The following NEGR1 variants were observed in gnomAD, a reference collection of about 807,000 sequenced individuals.
NEGR1 encodes the protein IgLON family member 4.
In NEGR1, 10 loss-of-function variants were observed where a neutral mutation model predicts 40.9. The observed-to-expected ratio is 0.24, with a 90% confidence interval of 0.15 to 0.42. The LOEUF (loss-of-function observed/expected upper bound fraction) is 0.42, where lower values mean the gene tolerates loss of function less well. Among genes scored for constraint, NEGR1 ranks in the 10% least tolerant of loss-of-function variants. The pLI is 1.00. For missense variants in NEGR1, 352 were observed against 438.9 expected (o/e 0.80, Z 1.77); for synonymous variants, 185 against 166.8 (o/e 1.11, Z -0.84).
At chr1:71,425,132 A>G (rs1001990699) in intron 6 of NEGR1, among the ~76,000 whole-genome samples, 10 of 152,180 alleles carry the variant, frequency 6.6e-5, no homozygotes, top group Non-Finnish European at 1.5e-4. Flanking sequence ...AGACATGTCA[A>G]GATGAAATGA....
At position 71,850,131 on chromosome 1, in the gene NEGR1, G is replaced by A. The variant is rs944596375; in HGVS notation, c.410-73834C>T. Among the ~76,000 whole-genome samples, 15 of 134,732 alleles carry A rather than the reference G, an allele frequency of 1.1e-4. No individual in the cohort carries two copies. In the East Asian group the frequency reaches 3.7e-3, roughly 33 times the overall value. 88.4% of individuals were successfully genotyped at this position (134,732 alleles called of 152,430 possible). A position where few individuals can be genotyped will look rare whatever the true frequency, so the allele number is the denominator to read the frequency against. On this transcript the variant is annotated intron_variant, in intron 2 of 6. Coordinates refer to ENST00000357731, the MANE Select transcript of NEGR1 (RefSeq NM_173808.3). Reference sequence around the variant, plus strand: ...GTGTTAAGAACATTTATAATCTACTGTCTTTTTTTGTTTGTTTGTTTGTTT... The same window carrying A: ...GTGTTAAGAACATTTATAATCTACTATCTTTTTTTGTTTGTTTGTTTGTTT...
At chr1:71,711,970 C>T (rs1017267075) in intron 3 of NEGR1, among the ~76,000 whole-genome samples, 2 of 152,042 alleles carry the variant, frequency 1.3e-5, no homozygotes, top group Non-Finnish European at 2.9e-5. Flanking sequence ...ATAGAAATGG[C>T]AAAACTATCA....
chr1:72,191,445 G>T (rs1382830969), intron 1 of NEGR1, among the ~76,000 whole-genome samples: 2 of 151,766 alleles, frequency 1.3e-5, no homozygotes, highest in Non-Finnish European at 2.9e-5. Flanking sequence ...CAGACAGAGA[G>T]AGAAGAGAAA....
At chr1:71,927,135 C>T (rs1006956205) in intron 2 of NEGR1, among the ~76,000 whole-genome samples, 3 of 152,054 alleles carry the variant, frequency 2.0e-5, no homozygotes, top group Admixed American at 6.5e-5. Flanking sequence ...TCAATATATT[C>T]ACAGAAAAGT....
Position 71,726,081 on chromosome 1 carries a change from T to C in NEGR1, c.536-27942A>G, listed in dbSNP as rs953635291. Among the ~76,000 whole-genome samples, 33 of 152,156 alleles carry C rather than the reference T, an allele frequency of 2.2e-4. 1 individual carries two copies. The highest frequency in any genetic ancestry group is 2.4e-5 in the African/African-American group (1 of 41,456). ...GACAAATTGCTGCTGTTGTGAGTTA[T>C]TGGAGTTAGTATTTAGAAAACTTAG... On this transcript the variant is annotated intron_variant, in intron 3 of 6. Transcript: ENST00000357731.
At chr1:71,849,088 CAA>C (rs571058760) in intron 2 of NEGR1, among the ~76,000 whole-genome samples, 13 of 110,578 alleles carry the variant, frequency 1.2e-4, no homozygotes, top group Non-Finnish European at 9.7e-5. Context: ...GACTCTGTCT[CAA>C]AAAAAAAAAA....
At chr1:71,965,147 C>T (rs974608522) in intron 1 of NEGR1, among the ~76,000 whole-genome samples, 1 of 152,052 alleles carries the variant, frequency 6.6e-6, no homozygotes, top group Non-Finnish European at 1.5e-5. Context: ...ATGTTCTAGC[C>T]ATCACCACTT....
intron 2 of NEGR1, among the ~76,000 whole-genome samples, chr1:71,839,318 C>A (rs892353343): frequency 1.3e-5 from 2 of 150,852 alleles, no homozygotes; most frequent in Non-Finnish European, 2.9e-5. Context: ...ATTCTCCTGC[C>A]TCAGCCTCCC....
At chr1:71,641,469 G>C (rs1651348580) in intron 4 of NEGR1, among the ~76,000 whole-genome samples, 1 of 151,984 alleles carries the variant, frequency 6.6e-6, no homozygotes. Context: ...ACCCAGTGGT[G>C]GGTTTCCTCT....
At chr1:71,411,127 G>C (rs1013220075) in intron 6 of NEGR1, among the ~76,000 whole-genome samples, 1 of 152,118 alleles carries the variant, frequency 6.6e-6, no homozygotes, top group East Asian at 1.9e-4. Context: ...AAACGTCAGT[G>C]CTTCACATCC....
chr1:71,992,352 A>G (rs1056706539), intron 1 of NEGR1, among the ~76,000 whole-genome samples: 90 of 152,282 alleles, frequency 5.9e-4, no homozygotes, highest in African/African-American at 2.0e-3. Context: ...AAAAATGTCA[A>G]ATATTTGAAG....
At chr1:71,733,686 C>T in intron 3 of NEGR1, among the ~76,000 whole-genome samples, 1 of 151,928 alleles carries the variant, frequency 6.6e-6, no homozygotes, top group Non-Finnish European at 1.5e-5. Context: ...AATGAGAGAC[C>T]CAGGAAAAGT....
chr1:71,808,044 G>A (rs1324987374), intron 2 of NEGR1, among the ~76,000 whole-genome samples: 1 of 152,046 alleles, frequency 6.6e-6, no homozygotes, highest in Non-Finnish European at 1.5e-5. Flanking sequence ...TAACTGAAAT[G>A]AGAGGAAAAT....
rs569263858 is a variant in NEGR1 at position 71,426,119 on chromosome 1, T to C, written c.941-18549A>G. Among the ~76,000 whole-genome samples, 128 of 152,254 alleles carry C rather than the reference T, an allele frequency of 8.4e-4. 1 individual carries two copies. The highest frequency in any genetic ancestry group is 3.4e-3 in the Middle Eastern group (1 of 294). On this transcript the variant is annotated intron_variant, in intron 6 of 6. Coordinates refer to ENST00000357731, the MANE Select transcript of NEGR1 (RefSeq NM_173808.3). ...CTTAGCTCATCTTATTTCCCCAAACTTGTAATTTAATTATGTTTCCAATGG... is the reference window on the plus strand; with the variant it reads ...CTTAGCTCATCTTATTTCCCCAAACCTGTAATTTAATTATGTTTCCAATGG...
intron 1 of NEGR1, among the ~76,000 whole-genome samples, chr1:72,179,878 T>C (rs1387329106): frequency 6.6e-6 from 1 of 151,682 alleles, no homozygotes; most frequent in Non-Finnish European, 1.5e-5. Flanking sequence ...ATGAAAGACA[T>C]AGAAGAAGAA....
chr1:72,216,097 C>G (rs1675355), intron 1 of NEGR1, among the ~76,000 whole-genome samples: 3,322 of 151,766 alleles, frequency 0.022, 55 homozygotes, highest in African/African-American at 0.032. Context: ...TCTCAGCAAA[C>G]TAACACAGGA....
intron 6 of NEGR1, among the ~76,000 whole-genome samples, chr1:71,453,527 C>T (rs559949688): frequency 3.9e-5 from 6 of 152,176 alleles, no homozygotes; most frequent in Admixed American, 2.6e-4. Context: ...AAAACAACAA[C>T]GATTAGTCCA....
chr1:72,133,867 G>A (rs1570017755), intron 1 of NEGR1, among the ~76,000 whole-genome samples: 1 of 150,788 alleles, frequency 6.6e-6, no homozygotes, highest in East Asian at 1.9e-4. Flanking sequence ...TTTAATAATC[G>A]AGTTTTACAG....
intron 6 of NEGR1, among the ~76,000 whole-genome samples, chr1:71,475,332 T>A (rs1431756705): frequency 6.6e-6 from 1 of 152,066 alleles, no homozygotes; most frequent in Non-Finnish European, 1.5e-5. Context: ...TAATAGGCAC[T>A]TCTTCAAATA....
Sources: gnomAD v4.1 joint callset for allele counts (sites outside exome capture counted in the v4.1 genomes callset) on GRCh38, gnomAD v4.1.1 for gene constraint, MANE v1.5 for transcripts, NCBI Gene and HGNC (gene_info 2026-07-23, HGNC 2026-07-21) for gene names.